HNRNPM: variants seen among roughly 807,000 people sequenced by gnomAD.
The protein encoded by HNRNPM is heterogeneous nuclear ribonucleoprotein M.
HNRNPM carries 11 observed loss-of-function variants against 73.1 expected under a neutral mutation model. That is an observed-to-expected ratio of 0.15 (90% CI 0.09 to 0.25). The LOEUF (loss-of-function observed/expected upper bound fraction) is 0.25. HNRNPM is among the 10% of genes least tolerant of loss of function. HNRNPM has a pLI of 1.00. For synonymous variants in HNRNPM, 407 were observed against 355.2 expected (o/e 1.15, Z -1.64); for missense variants, 789 against 1,067.9 (o/e 0.74, Z 3.64).
intron 5 of HNRNPM, among the ~76,000 whole-genome samples, chr19:8,464,157 ATCAT>A (rs928074162): frequency 5.3e-5 from 8 of 152,112 alleles, no homozygotes; most frequent in Non-Finnish European, 8.8e-5. Flanking sequence ...AGGCAGGAGG[ATCAT>A]TTGAGCCCAG....
rs1374936832 is a variant in HNRNPM at position 8,452,598 on chromosome 19, C to T, written c.114-2807C>T. Among the ~76,000 whole-genome samples, 5 of 152,252 alleles carry T rather than the reference C, an allele frequency of 3.3e-5. 1 individual carries two copies. Among genetic ancestry groups the T allele is most frequent in the Admixed American group, 6.5e-5 (1 of 15,286 alleles). ...CAGTCTTGTGGACTCAGGTAGATTGCGTTCTAGGCATCTAGGGATTGGAGC... is the reference window on the plus strand; with the variant it reads ...CAGTCTTGTGGACTCAGGTAGATTGTGTTCTAGGCATCTAGGGATTGGAGC... On this transcript the variant is annotated intron_variant, in intron 1 of 15. Transcript: ENST00000325495.
Position 8,486,243 on chromosome 19 carries a change from G to T in HNRNPM, c.1815G>T (p.Glu605Asp), listed in dbSNP as rs1339537710. The T allele has an allele frequency of 6.2e-7, 1 of 1,602,816 alleles. No individual in the cohort carries two copies. Among genetic ancestry groups the T allele is most frequent in the South Asian group, 1.1e-5 (1 of 90,990 alleles). The change falls in exon 14 of 16, where the codon GAG becomes GAT. Residue 605 changes from glutamate to aspartate, a missense_variant. This residue lies in a region of HNRNPM where 604 missense variants were observed against 744.0 expected (regional missense o/e 0.81). Transcript: ENST00000325495. Reference protein sequence around the residue: ...AMGPALGAGIERMGLAMGGGG... With the variant: ...AMGPALGAGIDRMGLAMGGGG... ...GCCCGGCCCTGGGCGCTGGCATTGA[G>T]CGCATGGGCCTGGCCATGGGTGGCG...
intron 2 of HNRNPM, 122 bp downstream of exon 2, chr19:8,455,696 T>TCACTCTTAAGCCTGGA: frequency 1.5e-6 from 1 of 678,752 alleles, no homozygotes; most frequent in Non-Finnish European, 2.5e-6. Flanking sequence ...TTTCCAGGCT[T>TCACTCTTAAGCCTGGA]AAGAGTGAAG....
At chr19:8,452,399 T>C (rs760021364) in intron 1 of HNRNPM, among the ~76,000 whole-genome samples, 7 of 151,304 alleles carry the variant, frequency 4.6e-5, no homozygotes, top group African/African-American at 1.2e-4. Context: ...GATTCTGTTA[T>C]GTTTTATGAT....
chr19:8,445,418 C>T lies in HNRNPM; in HGVS notation c.113+307C>T, dbSNP rs1473257352. On this transcript the variant is annotated intron_variant, in intron 1 of 15. Coordinates refer to ENST00000325495, the MANE Select transcript of HNRNPM (RefSeq NM_005968.5). Reference sequence around the variant, plus strand: ...GGGGGTTGATGGCGCGGGCCCGGACCGGAGAGCCTCCGAGGCCTACCCGAC... The same window carrying T: ...GGGGGTTGATGGCGCGGGCCCGGACTGGAGAGCCTCCGAGGCCTACCCGAC... The T allele has an allele frequency of 3.7e-5, 10 of 272,452 alleles. No homozygotes were observed. In the East Asian group the frequency reaches 6.2e-4, roughly 17 times the overall value. 16.9% of individuals were successfully genotyped at this position (272,452 alleles called of 1,614,324 possible). A position where few individuals can be genotyped will look rare whatever the true frequency, so the allele number is the denominator to read the frequency against.
intron 14 of HNRNPM, 126 bp from the exon 15 acceptor site, chr19:8,486,898 A>C: frequency 3.8e-6 from 3 of 789,610 alleles, no homozygotes; most frequent in Non-Finnish European, 6.9e-6. Context: ...TGATCGCCTC[A>C]GTCTGAAGGG....
At chr19:8,450,727 ATTTTT>A (rs770745543) in intron 1 of HNRNPM, among the ~76,000 whole-genome samples, 10 of 125,388 alleles carry the variant, frequency 8.0e-5, no homozygotes, top group South Asian at 2.5e-4. Flanking sequence ...TATTATTATT[ATTTTT>A]TTTTTTTTTG....
intron 1 of HNRNPM, among the ~76,000 whole-genome samples, chr19:8,451,108 T>C (rs997194411): frequency 2.0e-5 from 3 of 152,118 alleles, no homozygotes; most frequent in African/African-American, 7.2e-5. Flanking sequence ...GGTTTCACCA[T>C]GTTGGCCAGG....
intron 6 of HNRNPM, 56 bp downstream of exon 6, chr19:8,465,571 TTG>T: frequency 9.2e-7 from 1 of 1,092,078 alleles, no homozygotes; most frequent in South Asian, 1.5e-5. Context: ...TGAAATGACC[TTG>T]TCAATATGTT....
chr19:8,487,104 C>T (rs755196866), intron 15 of HNRNPM, 29 bp downstream of exon 15: 12 of 1,593,108 alleles, frequency 7.5e-6, no homozygotes, highest in African/African-American at 2.7e-5. Flanking sequence ...TTTGTAGGTG[C>T]TTCCCTCGTG....
chr19:8,473,405 G>T (rs955922935), intron 10 of HNRNPM, among the ~76,000 whole-genome samples: 9 of 151,860 alleles, frequency 5.9e-5, no homozygotes, highest in East Asian at 3.9e-4. Context: ...AGGTTGCAGT[G>T]AGCCAAGATT....
intron 1 of HNRNPM, among the ~76,000 whole-genome samples, chr19:8,455,106 C>G (rs545608899): frequency 8.7e-4 from 132 of 152,174 alleles, no homozygotes; most frequent in African/African-American, 3.0e-3. Context: ...TCCCTACTAG[C>G]TAGTACTGCA....
intron 2 of HNRNPM, among the ~76,000 whole-genome samples, chr19:8,459,319 T>A (rs1270847109): frequency 6.6e-6 from 1 of 152,222 alleles, no homozygotes; most frequent in African/African-American, 2.4e-5. Context: ...GTGTGGTCTC[T>A]GGTGTTAGGG....
At chr19:8,487,163 C>T (rs1217482846) in intron 15 of HNRNPM, 88 bp downstream of exon 15, 5 of 1,115,192 alleles carry the variant, frequency 4.5e-6, no homozygotes, top group African/African-American at 3.1e-5. Context: ...CTCCCAGCCC[C>T]CTCCGTCGGC....
intron 10 of HNRNPM, 113 bp from the exon 11 acceptor site, chr19:8,473,551 A>G: frequency 2.8e-6 from 2 of 705,132 alleles, no homozygotes; most frequent in African/African-American, 1.8e-5. Flanking sequence ...TATACTTGTC[A>G]TCAGGGATTT....
At chr19:8,449,010 A>C (rs11666117) in intron 1 of HNRNPM, among the ~76,000 whole-genome samples, 35,234 of 152,036 alleles carry the variant, frequency 0.23, 5,066 homozygotes, top group East Asian at 0.5. Flanking sequence ...CTTTCATGAT[A>C]CTACCTTGGT....
chr19:8,457,962 T>G (rs976988243), intron 2 of HNRNPM, among the ~76,000 whole-genome samples: 2 of 152,236 alleles, frequency 1.3e-5, no homozygotes, highest in African/African-American at 4.8e-5. Context: ...AGTCTGTGTT[T>G]TAAGGTCTGA....
intron 1 of HNRNPM, among the ~76,000 whole-genome samples, chr19:8,449,558 C>T (rs1368450994): frequency 5.2e-4 from 3 of 5,776 alleles, no homozygotes; most frequent in African/African-American, 5.3e-4. Context: ...TTTTTTGAGA[C>T]GGAGTCTCGC....
rs376248766 is a variant in HNRNPM at position 8,446,250 on chromosome 19, T to C, written c.113+1139T>C. On this transcript the variant is annotated intron_variant, in intron 1 of 15. Coordinates refer to ENST00000325495, the MANE Select transcript of HNRNPM (RefSeq NM_005968.5). ...GTGTGCTGTAACCGTCACTGCTTCATGTCCAGAACTTTTTCATCATCGGAA... is the reference window on the plus strand; with the variant it reads ...GTGTGCTGTAACCGTCACTGCTTCACGTCCAGAACTTTTTCATCATCGGAA... 9.5e-4 allele frequency among the ~76,000 whole-genome samples: 145 copies of C among 152,340 alleles called. 1 individual carries two copies. Among genetic ancestry groups the C allele is most frequent in the African/African-American group, 3.3e-3 (139 of 41,584 alleles).
Sources: allele counts gnomAD v4.1 joint callset (sites outside exome capture counted in the v4.1 genomes callset), GRCh38; gene constraint gnomAD v4.1.1; regional missense constraint gnomAD v4.1.1; transcripts MANE v1.5; gene names NCBI Gene and HGNC (gene_info 2026-07-23, HGNC 2026-07-21).